The following PRKG1 variants were observed in gnomAD, a reference collection of about 807,000 sequenced individuals.
PRKG1 encodes protein kinase cGMP-dependent 1.
A neutral mutation model predicts 88.1 loss-of-function variants in PRKG1; 35 were observed. The observed-to-expected ratio is 0.40, with a 90% CI of 0.30 to 0.53. The LOEUF is 0.53. Ranked by LOEUF, PRKG1 falls within the 20% of genes least tolerant of loss-of-function variation. The probability of loss-of-function intolerance (pLI) is 0.59; values close to 1 mark genes in which losing one functional copy is unlikely to be tolerated. For synonymous variants in PRKG1, 303 were observed against 292.5 expected (o/e 1.04, Z -0.37); for missense variants, 540 against 839.8 (o/e 0.64, Z 4.41).
chr10:52,251,796 T>G, intron 10 of PRKG1, 130 bp downstream of exon 10: 1 of 771,938 alleles, frequency 1.3e-6, no homozygotes, highest in Non-Finnish European at 2.0e-6. Flanking sequence ...CTAAATCAGT[T>G]CCAAATACTT....
intron 2 of PRKG1, among the ~76,000 whole-genome samples, chr10:51,303,279 T>C (rs1840941995): frequency 6.7e-6 from 1 of 148,794 alleles, no homozygotes; most frequent in Non-Finnish European, 1.5e-5. Context: ...TTTAATTCTT[T>C]TAATATGAAT....
At chr10:51,158,655 C>CT (rs1019205887) in intron 2 of PRKG1, among the ~76,000 whole-genome samples, 2 of 151,834 alleles carry the variant, frequency 1.3e-5, no homozygotes, top group African/African-American at 2.4e-5. Flanking sequence ...TTATTAGTTC[C>CT]TTTTTTCTTA....
chr10:52,195,233 GTT>G (rs10712163), intron 9 of PRKG1, among the ~76,000 whole-genome samples: 50 of 148,600 alleles, frequency 3.4e-4, no homozygotes, highest in Middle Eastern at 3.4e-3. Context: ...TCCTGTTTTT[GTT>G]TTTTTTTTTC....
intron 9 of PRKG1, among the ~76,000 whole-genome samples, chr10:52,162,871 G>A (rs1339767819): frequency 6.6e-6 from 1 of 152,056 alleles, no homozygotes; most frequent in Non-Finnish European, 1.5e-5. Context: ...TAACCCTGAG[G>A]TCAAATGCCT....
intron 3 of PRKG1, among the ~76,000 whole-genome samples, chr10:51,541,631 G>A (rs773701348): frequency 3.9e-5 from 6 of 151,946 alleles, no homozygotes; most frequent in Admixed American, 6.6e-5. Flanking sequence ...TTAAGATTTT[G>A]ATATTGCATT....
chr10:51,358,352 A>G (rs1842409778), intron 2 of PRKG1, among the ~76,000 whole-genome samples: 1 of 151,878 alleles, frequency 6.6e-6, no homozygotes, highest in African/African-American at 2.4e-5. Context: ...TATTCTACTG[A>G]TTGAAGCAAT....
intron 2 of PRKG1, among the ~76,000 whole-genome samples, chr10:51,311,030 T>A (rs1841172021): frequency 4.9e-5 from 4 of 81,794 alleles, no homozygotes; most frequent in Non-Finnish European, 8.2e-5. Context: ...AGAAGCAGAG[T>A]ATGCATCTGA....
chr10:51,056,150 T>G (rs1202408044), intron 1 of PRKG1, among the ~76,000 whole-genome samples: 1 of 152,148 alleles, frequency 6.6e-6, no homozygotes, highest in Non-Finnish European at 1.5e-5. Context: ...AAGGCACTCT[T>G]AAGATGGAGT....
At chr10:51,862,146 T>TG (rs1484604953) in intron 4 of PRKG1, among the ~76,000 whole-genome samples, 1 of 152,040 alleles carries the variant, frequency 6.6e-6, no homozygotes, top group East Asian at 1.9e-4. Flanking sequence ...TGGCAAACAA[T>TG]GGGGGAGAGG....
chr10:51,538,363 T>C (rs1435626795), intron 3 of PRKG1, among the ~76,000 whole-genome samples: 1 of 143,418 alleles, frequency 7.0e-6, no homozygotes, highest in Non-Finnish European at 1.5e-5. Context: ...ATATATGATG[T>C]ATAATATATG....
chr10:51,600,650 C>G (rs956692711), intron 3 of PRKG1, among the ~76,000 whole-genome samples: 1 of 152,066 alleles, frequency 6.6e-6, no homozygotes, highest in African/African-American at 2.4e-5. Flanking sequence ...TTATGAATGA[C>G]ATTTTAAAAC....
At chr10:51,733,780 G>A (rs1014335246) in intron 3 of PRKG1, among the ~76,000 whole-genome samples, 3 of 152,118 alleles carry the variant, frequency 2.0e-5, no homozygotes, top group African/African-American at 7.2e-5. Flanking sequence ...TAGCACTTTT[G>A]ATCCTGCAAT....
intron 2 of PRKG1, among the ~76,000 whole-genome samples, chr10:51,211,699 G>T (rs1177104178): frequency 6.6e-6 from 1 of 152,144 alleles, no homozygotes; most frequent in Admixed American, 6.5e-5. Flanking sequence ...CAAATCATGA[G>T]TGAGCTCCCA....
intron 1 of PRKG1, among the ~76,000 whole-genome samples, chr10:51,061,084 T>TGTGTGTGTGTGTCTGTATTA (rs1843687540): frequency 1.3e-5 from 2 of 151,920 alleles, no homozygotes; most frequent in Admixed American, 1.3e-4. Flanking sequence ...TGTGTGTGTG[T>TGTGTGTGTGTGTCTGTATTA]CTGTATTAGT....
At chr10:51,855,245 T>C (rs188538411) in intron 4 of PRKG1, among the ~76,000 whole-genome samples, 1 of 152,262 alleles carries the variant, frequency 6.6e-6, no homozygotes, top group African/African-American at 2.4e-5. Flanking sequence ...CTTGATTGAG[T>C]CATGACTTGT....
intron 1 of PRKG1, among the ~76,000 whole-genome samples, chr10:51,015,627 C>G (rs1212107898): frequency 6.6e-6 from 1 of 152,180 alleles, no homozygotes; most frequent in Non-Finnish European, 1.5e-5. Flanking sequence ...TAGCTCATGC[C>G]TGTAATCCCA....
chr10:52,238,907 AC>A (rs1840767175), intron 9 of PRKG1, among the ~76,000 whole-genome samples: 1 of 143,794 alleles, frequency 7.0e-6, no homozygotes, highest in Non-Finnish European at 1.5e-5. Context: ...AATAGCAAAG[AC>A]TTGGAACCAA....
At chr10:51,913,018 G>A (rs962170924) in intron 5 of PRKG1, among the ~76,000 whole-genome samples, 6 of 151,892 alleles carry the variant, frequency 4.0e-5, no homozygotes, top group Non-Finnish European at 7.4e-5. Context: ...AACCTTCATC[G>A]CCCCGTTTCA....
intron 2 of PRKG1, among the ~76,000 whole-genome samples, chr10:51,213,333 G>A (rs1412054197): frequency 6.6e-6 from 1 of 152,134 alleles, no homozygotes. Flanking sequence ...GGGGGAGGGG[G>A]GAGGTATAGC....
Sources: gnomAD v4.1 joint callset for allele counts (sites outside exome capture counted in the v4.1 genomes callset) on GRCh38, gnomAD v4.1.1 for gene constraint, MANE v1.5 for transcripts, NCBI Gene and HGNC (gene_info 2026-07-23, HGNC 2026-07-21) for gene names.